TRANK1: variants seen among roughly 807,000 people sequenced by gnomAD.
TRANK1 encodes the protein TPR and ankyrin repeat-containing protein 1.
Under a neutral mutation model 266.0 loss-of-function variants are expected in TRANK1, and 198 were observed. The ratio of observed to expected loss-of-function variants is 0.74; its 90% CI spans 0.66 to 0.84. The LOEUF is 0.84. Among genes scored for constraint, TRANK1 ranks in the 40% least tolerant of loss-of-function variants. TRANK1 has a pLI of 0.00. For synonymous variants in TRANK1, 1,396 were observed against 1,384.1 expected, an observed-to-expected ratio of 1.01 and a Z score of -0.19; for missense variants, 3,326 against 3,634.6, an observed-to-expected ratio of 0.92 and a Z score of 2.18.
At chr3:36,939,399 T>G (rs748075789) in intron 1 of TRANK1, among the ~76,000 whole-genome samples, 2 of 152,156 alleles carry the variant, frequency 1.3e-5, no homozygotes, top group African/African-American at 2.4e-5. Flanking sequence ...CACATGACTT[T>G]GCACAGCAGT....
chr3:36,919,252 GGT>G (rs1168201118), intron 1 of TRANK1, among the ~76,000 whole-genome samples: 1 of 152,086 alleles, frequency 6.6e-6, no homozygotes, highest in Non-Finnish European at 1.5e-5. Flanking sequence ...CTCCCACCTG[GGT>G]GAATATATAG....
At chr3:36,912,711 G>A (rs982277368) in intron 1 of TRANK1, among the ~76,000 whole-genome samples, 3 of 152,112 alleles carry the variant, frequency 2.0e-5, no homozygotes, top group East Asian at 1.9e-4. Context: ...TTGTGTATAC[G>A]TATACACATG....
rs764227606 is a variant in TRANK1, at chr3:36,828,266, G to A, written c.*9C>T. ...TCCGAAGGATGAGGAGGCTGCAGCTGTGTGGACATTAGTATTTTCTCTGCT... is the reference window on the plus strand; with the variant it reads ...TCCGAAGGATGAGGAGGCTGCAGCTATGTGGACATTAGTATTTTCTCTGCT... On this transcript the variant is annotated 3_prime_UTR_variant, in exon 24 of 24. Coordinates refer to ENST00000645898, the MANE Select transcript of TRANK1 (RefSeq NM_001329998.2). 1 of 1,599,890 alleles carries A rather than the reference G, an allele frequency of 6.3e-7. No homozygotes were observed. Among genetic ancestry groups the A allele is most frequent in the Non-Finnish European group, 8.5e-7 (1 of 1,169,652 alleles).
chr3:36,930,668 G>T (rs569105680), intron 1 of TRANK1, among the ~76,000 whole-genome samples: 102 of 152,258 alleles, frequency 6.7e-4, no homozygotes, highest in African/African-American at 2.4e-3. Context: ...ATCTCAAAAA[G>T]TTTATGTTGA....
chr3:36,833,282 C>G lies in TRANK1; in HGVS notation c.6301G>C (p.Val2101Leu), dbSNP rs1420968512. 1.2e-6 allele frequency: 2 copies of G among 1,614,030 alleles called. No individual in the cohort carries two copies. Among genetic ancestry groups the G allele is most frequent in the Non-Finnish European group, 1.7e-6 (2 of 1,179,904 alleles). ...LLSLVRALKR[V>L]TNNAEKEMVK... ...ATTTCCTTCTCAGCATTGTTGGTCA[C>G]TCTTTTGAGAGCCCTGACCAGACTG... is the stretch of plus-strand genomic sequence containing the variant. The change falls in exon 22 of 24, where the codon GTG becomes CTG. Residue 2101 changes from valine (V) to leucine (L), a missense_variant. Coordinates refer to ENST00000645898, the MANE Select transcript of TRANK1 (RefSeq NM_001329998.2).
intron 20 of TRANK1, among the ~76,000 whole-genome samples, chr3:36,837,171 A>G (rs73826905): frequency 0.019 from 2,910 of 152,296 alleles, 110 homozygotes; most frequent in African/African-American, 0.066. Context: ...CTATCCACGG[A>G]AAGAAATGTT....
chr3:36,847,229 A>G lies in TRANK1; in HGVS notation c.5005T>C (p.Ser1669Pro), dbSNP rs1228384923. Residue 1669 changes from serine to proline, a missense_variant, in exon 16 of 24, where the codon TCT (serine) becomes CCT (proline). Physicochemically the swap from Ser to Pro is moderately conservative, Grantham distance 74 (BLOSUM62 -1). Coordinates refer to ENST00000645898, the MANE Select transcript of TRANK1 (RefSeq NM_001329998.2). ...TACATTTCTGGATTCACCATGAGAGATCGACCCTGAGAAGAGCCTGGTTTG... is the reference window on the plus strand; with the variant it reads ...TACATTTCTGGATTCACCATGAGAGGTCGACCCTGAGAAGAGCCTGGTTTG... ...LDKPGSSQGR[S>P]LMVNPEMYKL... is the part of the protein sequence containing the mutation. The G allele has an allele frequency of 6.2e-7, 1 of 1,613,350 alleles. No individual in the cohort carries two copies. The highest frequency in any genetic ancestry group is 2.2e-5 in the East Asian group (1 of 44,888).
intron 1 of TRANK1, among the ~76,000 whole-genome samples, chr3:36,931,304 A>C (rs1012483222): frequency 6.6e-6 from 1 of 152,246 alleles, no homozygotes; most frequent in South Asian, 2.1e-4. Context: ...CTGTATATTG[A>C]TCTAGGATAA....
At chr3:36,858,933 ACAGCCTGGCT>A (rs1256835435) in intron 11 of TRANK1, 39 bp from the exon 12 acceptor site, 1 of 1,495,030 alleles carries the variant, frequency 6.7e-7, no homozygotes, top group Admixed American at 2.2e-5. Context: ...GTGAGCAGGC[ACAGCCTGGCT>A]CGCCTGACGA....
At chr3:36,885,020 C>G (rs1402712156) in intron 8 of TRANK1, among the ~76,000 whole-genome samples, 3 of 151,902 alleles carry the variant, frequency 2.0e-5, no homozygotes, top group Non-Finnish European at 2.9e-5. Flanking sequence ...ATAGTAATAC[C>G]TGTAGCTGTC....
intron 11 of TRANK1, among the ~76,000 whole-genome samples, chr3:36,859,753 C>G (rs1335705192): frequency 3.3e-5 from 5 of 152,134 alleles, no homozygotes; most frequent in Non-Finnish European, 7.4e-5. Context: ...GAGATGTGCT[C>G]TATAAGTGCT....
chr3:36,854,821 G>A (rs1027673331), intron 13 of TRANK1, among the ~76,000 whole-genome samples: 3 of 148,476 alleles, frequency 2.0e-5, no homozygotes, highest in Non-Finnish European at 1.5e-5. Flanking sequence ...TTAATGACTT[G>A]TAACTGGTAT....
intron 10 of TRANK1, among the ~76,000 whole-genome samples, chr3:36,863,367 A>T (rs2079170767): frequency 6.6e-6 from 1 of 152,208 alleles, no homozygotes; most frequent in African/African-American, 2.4e-5. Flanking sequence ...TTCATGGGCC[A>T]CAGATCAAAT....
In TRANK1 at chr3:36,832,406, T is replaced by C; in HGVS notation, c.7177A>G (p.Asn2393Asp). 6.2e-7 allele frequency: 1 copy of C among 1,614,038 alleles called. No individual in the cohort carries two copies. The highest frequency in any genetic ancestry group is 8.5e-7 in the Non-Finnish European group (1 of 1,179,892). ...IEGKFGMLAP[N>D]RDDENMDKTH... ...TTGTCCATATTTTCATCATCCCTGT[T>C]GGGTGCCAGCATGCCAAATTTCCCT... Residue 2393 changes from asparagine (N) to aspartate (D), a missense_variant, in exon 22 of 24, where the codon AAC becomes GAC. By Grantham distance (23) the Asn-to-Asp change is conservative. Transcript: ENST00000645898.
intron 9 of TRANK1, 28 bp from the exon 10 acceptor site, chr3:36,864,508 T>A: frequency 6.7e-7 from 1 of 1,493,214 alleles, no homozygotes; most frequent in Non-Finnish European, 8.9e-7. Flanking sequence ...GTAATGCTTC[T>A]GAATACAGAA....
chr3:36,850,341 T>C (rs924430489), intron 15 of TRANK1: 1 of 985,330 alleles, frequency 1.0e-6, no homozygotes, highest in African/African-American at 1.7e-5. Flanking sequence ...TGGAAGGTTC[T>C]GGAATTCAAT....
chr3:36,867,247 A>G (rs190275262), intron 9 of TRANK1, among the ~76,000 whole-genome samples: 23 of 152,326 alleles, frequency 1.5e-4, no homozygotes, highest in Admixed American at 1.0e-3. Flanking sequence ...TTCACTATCA[A>G]GCTGATGGAA....
At chr3:36,838,553 A>T (rs1479372180) in intron 19 of TRANK1, 49 bp from the exon 20 acceptor site, 1 of 1,613,974 alleles carries the variant, frequency 6.2e-7, no homozygotes, top group Admixed American at 1.7e-5. Context: ...TTGACCCTAC[A>T]CCAATATTTA....
chr3:36,849,611 T>C (rs1264577308), intron 15 of TRANK1, among the ~76,000 whole-genome samples: 5 of 152,180 alleles, frequency 3.3e-5, no homozygotes, highest in Non-Finnish European at 7.3e-5. Context: ...CTCTCCACAG[T>C]TCCCCAAGTT....
Sources: allele counts gnomAD v4.1 joint callset (sites outside exome capture counted in the v4.1 genomes callset), GRCh38; gene constraint gnomAD v4.1.1; transcripts MANE v1.5; gene names NCBI Gene and HGNC (gene_info 2026-07-23, HGNC 2026-07-21).